The following PCDHAC1 variants were observed in gnomAD, a reference collection of about 807,000 sequenced individuals.
The protein encoded by PCDHAC1 is protocadherin alpha subfamily C, 1.
PCDHAC1 carries 42 observed loss-of-function variants against 60.0 expected under a neutral mutation model. That is an observed-to-expected ratio of 0.70 (90% confidence interval 0.55 to 0.90). PCDHAC1 has a LOEUF of 0.90. PCDHAC1 is among the 40% of genes least tolerant of loss of function. PCDHAC1 has a pLI of 0.00. For synonymous variants in PCDHAC1, 468 were observed against 499.3 expected, an observed-to-expected ratio of 0.94 and a Z score of 0.84; for missense variants, 1,160 against 1,222.3, an observed-to-expected ratio of 0.95 and a Z score of 0.76.
chr5:140,967,023 G>A, intron 1 of PCDHAC1: 1 of 1,608,160 alleles, frequency 6.2e-7, no homozygotes, highest in South Asian at 1.1e-5. Context: ...GGTGCGCCCA[G>A]TCCGCGCTAC....
intron 1 of PCDHAC1, among the ~76,000 whole-genome samples, chr5:140,946,772 TG>T (rs2094025159): frequency 6.6e-6 from 1 of 151,346 alleles, no homozygotes; most frequent in Non-Finnish European, 1.5e-5. Context: ...TCATGTGGAA[TG>T]TAAAAAAGCT....
intron 1 of PCDHAC1, among the ~76,000 whole-genome samples, chr5:140,933,870 T>C (rs2089481018): frequency 6.6e-6 from 1 of 152,092 alleles, no homozygotes. Context: ...CAGATATATG[T>C]TAGTTTTATC....
At chr5:140,984,307 G>T (rs2153833813) in intron 3 of PCDHAC1, among the ~76,000 whole-genome samples, 1 of 152,288 alleles carries the variant, frequency 6.6e-6, no homozygotes, top group Non-Finnish European at 1.5e-5. Context: ...GCTGGTTGGT[G>T]TGTATTCCTA....
chr5:140,990,342 C>A (rs2097389388), intron 3 of PCDHAC1, among the ~76,000 whole-genome samples: 1 of 152,124 alleles, frequency 6.6e-6, no homozygotes, highest in Non-Finnish European at 1.5e-5. Flanking sequence ...TAAGTAAAGC[C>A]TGCCCTGTAC....
chr5:140,956,044 T>G (rs1335890349), intron 1 of PCDHAC1, among the ~76,000 whole-genome samples: 1 of 152,200 alleles, frequency 6.6e-6, no homozygotes, highest in African/African-American at 2.4e-5. Context: ...AAGAAGCTTT[T>G]GGGCTGAGAC....
Position 140,931,003 on chromosome 5 carries a change from A to G in PCDHAC1, c.2433+1678A>G, listed in dbSNP as rs2087240942. On this transcript the variant is annotated intron_variant, in intron 1 of 3. Coordinates refer to ENST00000253807, the MANE Select transcript of PCDHAC1 (RefSeq NM_018898.5). The stretch of plus-strand genomic sequence containing the variant: ...CTTCCTCATGACCTACACTAATAAC[A>G]TAACAGAGGAATTTTCTGATTGTAG... Among the ~76,000 whole-genome samples the G allele has an allele frequency of 2.0e-5, 3 of 152,232 alleles. No homozygotes were observed. The South Asian group carries it at 6.2e-4, about 32-fold the overall frequency.
rs35184029 is a variant in PCDHAC1 at position 140,997,668 on chromosome 5, TTGTGTG to T, written c.2582-11935_2582-11930del. Among the ~76,000 whole-genome samples the T allele has an allele frequency of 3.7e-4, 55 of 148,336 alleles. 1 individual carries two copies. The South Asian group carries it at 5.8e-3, about 16-fold the overall frequency. On this transcript the variant is annotated intron_variant, in intron 3 of 3. Coordinates refer to ENST00000253807, the MANE Select transcript of PCDHAC1 (RefSeq NM_018898.5). ...AATGCAATATGTATTATTATACAGC[TTGTGTG>T]TGTGTGTGTGTGTGTGTGTGTGTAT...
chr5:140,956,597 C>T (rs1015881961), intron 1 of PCDHAC1, among the ~76,000 whole-genome samples: 1 of 152,054 alleles, frequency 6.6e-6, no homozygotes, highest in African/African-American at 2.4e-5. Flanking sequence ...TCAGGGATAT[C>T]AGCTGGAAGT....
At chr5:140,951,967 C>A (rs2094665815) in intron 1 of PCDHAC1, among the ~76,000 whole-genome samples, 1 of 152,166 alleles carries the variant, frequency 6.6e-6, no homozygotes, top group South Asian at 2.1e-4. Context: ...GTAAATACTC[C>A]TGTTCCAAAA....
At position 141,007,395 on chromosome 5, in the gene PCDHAC1, CAAAA is replaced by C. The variant is rs35800918; in HGVS notation, c.2582-2212_2582-2209del. Among the ~76,000 whole-genome samples the C allele has an allele frequency of 1.2e-3, 116 of 94,838 alleles. No homozygotes were observed. In the Middle Eastern group the frequency reaches 0.016, roughly 13 times the overall value. 62.2% of individuals were successfully genotyped at this position (94,838 alleles called of 152,430 possible). ...ATGGAACACCATCTCTACTAAAATA[CAAAA>C]AAAAAAAAAAAAAAAAAAATTAGCC... is the stretch of plus-strand genomic sequence containing the variant. On this transcript the variant is annotated intron_variant, in intron 3 of 3. Coordinates refer to ENST00000253807, the MANE Select transcript of PCDHAC1 (RefSeq NM_018898.5).
intron 1 of PCDHAC1, among the ~76,000 whole-genome samples, chr5:140,933,268 T>A (rs2088999959): frequency 6.6e-6 from 1 of 151,986 alleles, no homozygotes; most frequent in Non-Finnish European, 1.5e-5. Context: ...TTATTATATA[T>A]TCATTTGGAA....
At chr5:140,955,648 A>G (rs1554222007) in intron 1 of PCDHAC1, among the ~76,000 whole-genome samples, 1 of 152,138 alleles carries the variant, frequency 6.6e-6, no homozygotes, top group East Asian at 1.9e-4. Flanking sequence ...ACAAATTAAT[A>G]CACATATGAA....
intron 3 of PCDHAC1, among the ~76,000 whole-genome samples, chr5:140,991,495 A>C (rs1331520722): frequency 6.6e-6 from 1 of 152,220 alleles, no homozygotes; most frequent in Non-Finnish European, 1.5e-5. Flanking sequence ...GTCCACAGTG[A>C]GTTTCACTGG....
At chr5:140,942,619 T>A in intron 1 of PCDHAC1, among the ~76,000 whole-genome samples, 1 of 148,900 alleles carries the variant, frequency 6.7e-6, no homozygotes. Context: ...TTGCCAATTG[T>A]AAAAAAAAAA....
At chr5:140,971,462 A>G (rs1554233357) in intron 1 of PCDHAC1, among the ~76,000 whole-genome samples, 1 of 152,184 alleles carries the variant, frequency 6.6e-6, no homozygotes, top group African/African-American at 2.4e-5. Flanking sequence ...TTTTGCAGTT[A>G]TAGGGAGAGA....
chr5:140,929,511 G>T, intron 1 of PCDHAC1, 186 bp downstream of exon 1: 1 of 781,088 alleles, frequency 1.3e-6, no homozygotes, highest in Non-Finnish European at 1.8e-6. Flanking sequence ...AGGCCTCAAG[G>T]GACTTATAGT....
chr5:141,005,000 G>A (rs2098192261), intron 3 of PCDHAC1, among the ~76,000 whole-genome samples: 1 of 152,176 alleles, frequency 6.6e-6, no homozygotes, highest in Non-Finnish European at 1.5e-5. Context: ...GGTCTCCTAA[G>A]CCCTGAGAGC....
intron 3 of PCDHAC1, among the ~76,000 whole-genome samples, chr5:140,985,001 G>A (rs1554246727): frequency 1.3e-5 from 2 of 151,944 alleles, no homozygotes; most frequent in South Asian, 2.1e-4. Flanking sequence ...CCAGTGGCAC[G>A]ATATCGGCTC....
intron 1 of PCDHAC1, among the ~76,000 whole-genome samples, chr5:140,935,909 T>C (rs1452831803): frequency 6.6e-6 from 1 of 151,600 alleles, no homozygotes; most frequent in African/African-American, 2.4e-5. Flanking sequence ...TTTTTTTTTT[T>C]TGAGACAGAT....
Sources: gnomAD v4.1 joint callset for allele counts (sites outside exome capture counted in the v4.1 genomes callset) on GRCh38, gnomAD v4.1.1 for gene constraint, MANE v1.5 for transcripts, NCBI Gene and HGNC (gene_info 2026-07-23, HGNC 2026-07-21) for gene names.